The following ERG variants were observed in gnomAD, a reference collection of about 807,000 sequenced individuals.
ERG encodes ETS transcription factor ERG.
ERG carries 9 observed loss-of-function variants against 55.3 expected under a neutral mutation model. That is an observed-to-expected ratio of 0.16 (90% CI 0.10 to 0.28). The LOEUF is 0.28. ERG is among the 10% of genes least tolerant of loss of function. The pLI, the probability that ERG is intolerant of heterozygous loss-of-function variation, is 1.00. For missense variants in ERG, 434 were observed against 631.6 expected (o/e 0.69, Z 3.35); for synonymous variants, 223 against 237.3 (o/e 0.94, Z 0.55).
At chr21:38,579,659 G>A (rs1183937324) in intron 1 of ERG, among the ~76,000 whole-genome samples, 1 of 152,066 alleles carries the variant, frequency 6.6e-6, no homozygotes, top group South Asian at 2.1e-4. Context: ...TTCTCACACC[G>A]CCACCACCAG....
At chr21:38,590,000 G>C (rs2060090050) in intron 1 of ERG, among the ~76,000 whole-genome samples, 1 of 152,140 alleles carries the variant, frequency 6.6e-6, no homozygotes, top group East Asian at 1.9e-4. Flanking sequence ...CGCTGAGTAT[G>C]CTCTTCAGTT....
chr21:38,497,892 C>T lies in ERG; in HGVS notation c.18+471G>A, dbSNP rs144161782. 5.1e-4 allele frequency among the ~76,000 whole-genome samples: 78 copies of T among 152,268 alleles called. 1 individual carries two copies. In the South Asian group the frequency reaches 0.015, roughly 30 times the overall value. On this transcript the variant is annotated intron_variant, in intron 1 of 9. Transcript: ENST00000288319. ...CGTCCCATTACCAGCAGCCACTTGC[C>T]GAGTATCTCTTCGCTTCCACTGGGA...
At chr21:38,573,044 G>A (rs1373423871) in intron 2 of ERG, among the ~76,000 whole-genome samples, 1 of 152,238 alleles carries the variant, frequency 6.6e-6, no homozygotes, top group Non-Finnish European at 1.5e-5. Flanking sequence ...ACAAAAACAT[G>A]TGTTGTATAA....
intron 1 of ERG, among the ~76,000 whole-genome samples, chr21:38,645,400 C>G (rs373001888): frequency 6.6e-6 from 1 of 152,036 alleles, no homozygotes; most frequent in African/African-American, 2.4e-5. Context: ...CTCATCTGAC[C>G]CTGCTACCAA....
At chr21:38,546,235 T>C (rs1384345424) in intron 2 of ERG, among the ~76,000 whole-genome samples, 1 of 152,228 alleles carries the variant, frequency 6.6e-6, no homozygotes, top group Non-Finnish European at 1.5e-5. Context: ...TTTACTTTTT[T>C]CTATCTTCTT....
At chr21:38,398,112 T>C (rs1180003156) in intron 6 of ERG, among the ~76,000 whole-genome samples, 1 of 152,166 alleles carries the variant, frequency 6.6e-6, no homozygotes, top group Non-Finnish European at 1.5e-5. Context: ...AGGTACCCAC[T>C]GACCACAGGG....
chr21:38,561,785 T>C (rs1194163999), intron 2 of ERG, among the ~76,000 whole-genome samples: 1 of 152,168 alleles, frequency 6.6e-6, no homozygotes, highest in Non-Finnish European at 1.5e-5. Context: ...ATCTTAGCAG[T>C]GTATTTACAG....
At chr21:38,480,125 G>A (rs1453007717) in intron 1 of ERG, among the ~76,000 whole-genome samples, 3 of 152,182 alleles carry the variant, frequency 2.0e-5, no homozygotes, top group Admixed American at 6.5e-5. Context: ...GCATGGATAC[G>A]GTGGACAAAA....
At chr21:38,370,897 C>T in the ERG span, among the ~76,000 whole-genome samples, 11 of 150,988 alleles carry the variant, frequency 7.3e-5, no homozygotes, top group Non-Finnish European at 1.3e-4. Context: ...TGGGCCTGTG[C>T]AATCTGGCCC....
chr21:38,623,071 C>T (rs1228269090), intron 1 of ERG, among the ~76,000 whole-genome samples: 1 of 145,878 alleles, frequency 6.9e-6, no homozygotes, highest in Non-Finnish European at 1.5e-5. Flanking sequence ...TACATAAACC[C>T]CACATACACA....
intron 3 of ERG, among the ~76,000 whole-genome samples, chr21:38,410,113 C>T (rs1988976959): frequency 6.6e-6 from 1 of 152,162 alleles, no homozygotes; most frequent in African/African-American, 2.4e-5. Context: ...CAATAACATA[C>T]TGCAAAAAAA....
At chr21:38,522,583 C>G (rs952936966) in intron 2 of ERG, among the ~76,000 whole-genome samples, 1 of 152,174 alleles carries the variant, frequency 6.6e-6, no homozygotes, top group Non-Finnish European at 1.5e-5. Context: ...AACACTTTAA[C>G]TATTTTTAAT....
At chr21:38,469,074 C>T (rs188400993) in intron 1 of ERG, among the ~76,000 whole-genome samples, 238 of 151,540 alleles carry the variant, frequency 1.6e-3, no homozygotes, top group Admixed American at 1.8e-3. Flanking sequence ...CCATAGCCCC[C>T]GAGACCCCTG....
intron 6 of ERG, among the ~76,000 whole-genome samples, chr21:38,397,523 G>A (rs186645503): frequency 6.6e-6 from 1 of 150,840 alleles, no homozygotes; most frequent in East Asian, 2.0e-4. Context: ...ACTTGAACTC[G>A]GGAGGCAGAG....
chr21:38,429,761 A>ACACC (rs1438000389), intron 2 of ERG, among the ~76,000 whole-genome samples: 6 of 151,618 alleles, frequency 4.0e-5, no homozygotes, highest in African/African-American at 1.5e-4. Flanking sequence ...ACACACACAC[A>ACACC]CACCACATTT....
rs868099779 is a variant in ERG, at chr21:38,454,437, A to T, written c.19-8816T>A. On this transcript the variant is annotated intron_variant, in intron 1 of 9. Coordinates refer to ENST00000288319, the MANE Select transcript of ERG (RefSeq NM_182918.4). ...AGATTCCGAGTCTCCAGCCCTGCTG[A>T]GTCAGAATCTGCTTTGTAACAACTT... 4.6e-4 allele frequency among the ~76,000 whole-genome samples: 70 copies of T among 152,186 alleles called. 1 individual carries two copies. Among genetic ancestry groups the T allele is most frequent in the Admixed American group, 2.6e-4 (4 of 15,286 alleles).
intron 1 of ERG, among the ~76,000 whole-genome samples, chr21:38,618,099 C>T (rs2060269335): frequency 6.6e-6 from 1 of 152,166 alleles, no homozygotes; most frequent in Non-Finnish European, 1.5e-5. Flanking sequence ...CAGAGCCTTC[C>T]AGACCATCAA....
At chr21:38,554,260 A>T (rs2059844044) in intron 2 of ERG, among the ~76,000 whole-genome samples, 1 of 152,242 alleles carries the variant, frequency 6.6e-6, no homozygotes, top group Admixed American at 6.5e-5. Flanking sequence ...GACACTGTGG[A>T]AAGCAGTTTG....
At chr21:38,582,300 G>C (rs1351693280) in intron 1 of ERG, among the ~76,000 whole-genome samples, 1 of 152,204 alleles carries the variant, frequency 6.6e-6, no homozygotes, top group African/African-American at 2.4e-5. Context: ...GGCATCTGAA[G>C]TGAGGACGGT....
Sources: gnomAD v4.1 joint callset for allele counts (sites outside exome capture counted in the v4.1 genomes callset) on GRCh38, gnomAD v4.1.1 for gene constraint, MANE v1.5 for transcripts, NCBI Gene and HGNC (gene_info 2026-07-23, HGNC 2026-07-21) for gene names.